The following GABBR2 variants were observed in gnomAD, a reference collection of about 807,000 sequenced individuals.
The protein encoded by GABBR2 is gamma-aminobutyric acid type B receptor subunit 2, also known as G-protein coupled receptor 51.
Under a neutral mutation model 105.6 loss-of-function variants are expected in GABBR2, and 23 were observed. The ratio of observed to expected loss-of-function variants is 0.22; its 90% CI spans 0.16 to 0.31. The LOEUF is 0.31. Ranked by LOEUF, GABBR2 falls within the 10% of genes least tolerant of loss-of-function variation. The pLI, the probability that GABBR2 is intolerant of heterozygous loss-of-function variation, is 1.00. For missense variants in GABBR2, 734 were observed against 1,245.5 expected, an observed-to-expected ratio of 0.59 and a Z score of 6.18; for synonymous variants, 478 against 499.7, an observed-to-expected ratio of 0.96 and a Z score of 0.58.
chr9:98,630,196 T>C (rs1238281790), intron 1 of GABBR2, among the ~76,000 whole-genome samples: 3 of 152,158 alleles, frequency 2.0e-5, no homozygotes, highest in African/African-American at 7.2e-5. Flanking sequence ...AAAGGATCAC[T>C]GGGTGAGAAG....
chr9:98,482,561 T>G (rs930111313), intron 4 of GABBR2, among the ~76,000 whole-genome samples: 7 of 152,198 alleles, frequency 4.6e-5, no homozygotes, highest in Non-Finnish European at 1.0e-4. Context: ...CCATCCATCC[T>G]TTCATCCAGC....
At chr9:98,654,617 A>T (rs769159416) in intron 1 of GABBR2, among the ~76,000 whole-genome samples, 1 of 152,228 alleles carries the variant, frequency 6.6e-6, no homozygotes, top group East Asian at 1.9e-4. Flanking sequence ...CGAGGCAGAC[A>T]TCCTTGAAGA....
At chr9:98,532,835 A>G (rs1828092774) in intron 3 of GABBR2, among the ~76,000 whole-genome samples, 1 of 152,156 alleles carries the variant, frequency 6.6e-6, no homozygotes, top group Admixed American at 6.5e-5. Flanking sequence ...TGAAGCATTA[A>G]CAACTCAGGA....
intron 2 of GABBR2, among the ~76,000 whole-genome samples, chr9:98,554,359 G>C (rs1281992025): frequency 1.3e-5 from 2 of 150,470 alleles, no homozygotes; most frequent in Non-Finnish European, 3.0e-5. Context: ...CCCTGTCAAA[G>C]AAAGAAAGAA....
chr9:98,595,429 G>T (rs77680548), intron 1 of GABBR2, among the ~76,000 whole-genome samples: 5,443 of 151,306 alleles, frequency 0.036, 130 homozygotes, highest in Non-Finnish European at 0.05. Context: ...GATGAAAGGG[G>T]CAGCAGAGAG....
intron 7 of GABBR2, among the ~76,000 whole-genome samples, chr9:98,451,977 T>C (rs1038024930): frequency 2.6e-5 from 4 of 152,138 alleles, no homozygotes; most frequent in African/African-American, 9.7e-5. Context: ...GTCACAGAAA[T>C]CCCTCTGGGC....
chr9:98,317,343 G>A (rs1237568243), intron 13 of GABBR2, among the ~76,000 whole-genome samples: 1 of 152,104 alleles, frequency 6.6e-6, no homozygotes, highest in East Asian at 1.9e-4. Context: ...GAGAGCAGCT[G>A]GCCCGAGAGT....
At chr9:98,695,049 T>C (rs768755573) in intron 1 of GABBR2, among the ~76,000 whole-genome samples, 5 of 152,204 alleles carry the variant, frequency 3.3e-5, no homozygotes, top group South Asian at 4.1e-4. Context: ...GAACAATCCA[T>C]TCCTCACAGA....
intron 2 of GABBR2, among the ~76,000 whole-genome samples, chr9:98,571,022 G>A (rs999818525): frequency 1.3e-5 from 2 of 152,220 alleles, no homozygotes; most frequent in African/African-American, 4.8e-5. Context: ...GAGGGGCAGG[G>A]TGAATGAGAC....
intron 6 of GABBR2, among the ~76,000 whole-genome samples, chr9:98,461,573 T>C (rs1360629816): frequency 6.6e-6 from 1 of 152,210 alleles, no homozygotes; most frequent in Non-Finnish European, 1.5e-5. Flanking sequence ...TAATTTCAAG[T>C]AAATTCTATG....
At chr9:98,539,804 T>C (rs1828254708) in intron 3 of GABBR2, among the ~76,000 whole-genome samples, 1 of 150,978 alleles carries the variant, frequency 6.6e-6, no homozygotes, top group Non-Finnish European at 1.5e-5. Flanking sequence ...TAGTCCCAGC[T>C]ACTCGGGAGG....
At chr9:98,327,593 G>A (rs985543618) in intron 13 of GABBR2, among the ~76,000 whole-genome samples, 1 of 152,006 alleles carries the variant, frequency 6.6e-6, no homozygotes, top group African/African-American at 2.4e-5. Flanking sequence ...ATAAGGCCGG[G>A]CGCAGTGGCT....
At chr9:98,299,120 G>A in intron 17 of GABBR2, 104 bp downstream of exon 17, 1 of 961,436 alleles carries the variant, frequency 1.0e-6, no homozygotes, top group Non-Finnish European at 1.7e-6. Context: ...TACCAGTCCT[G>A]TGCCCTGTCT....
chr9:98,307,460 A>T (rs1819228485), intron 14 of GABBR2, among the ~76,000 whole-genome samples: 1 of 151,928 alleles, frequency 6.6e-6, no homozygotes. Context: ...CTTCTCTCTC[A>T]CAAAGGCCCC....
At chr9:98,350,180 A>G (rs1221758585) in intron 13 of GABBR2, among the ~76,000 whole-genome samples, 2 of 149,102 alleles carry the variant, frequency 1.3e-5, no homozygotes, top group Non-Finnish European at 3.0e-5. Context: ...ATCTTCTCAA[A>G]AAAAAAAACC....
At chr9:98,559,237 C>G (rs1485803391) in intron 2 of GABBR2, among the ~76,000 whole-genome samples, 4 of 152,156 alleles carry the variant, frequency 2.6e-5, no homozygotes, top group Non-Finnish European at 5.9e-5. Context: ...TTAAGCAATC[C>G]TCCCACCTCA....
At chr9:98,556,682 G>T (rs1345171165) in intron 2 of GABBR2, among the ~76,000 whole-genome samples, 2 of 152,122 alleles carry the variant, frequency 1.3e-5, no homozygotes, top group Non-Finnish European at 2.9e-5. Context: ...AACCTGCTAG[G>T]CCTCAGTTTC....
intron 1 of GABBR2, among the ~76,000 whole-genome samples, chr9:98,676,008 C>T (rs1300655554): frequency 6.6e-6 from 1 of 152,164 alleles, no homozygotes; most frequent in African/African-American, 2.4e-5. Context: ...TGTCCTAATG[C>T]CAGAAACCTG....
intron 13 of GABBR2, among the ~76,000 whole-genome samples, chr9:98,358,041 C>A (rs1831518515): frequency 6.6e-6 from 1 of 152,214 alleles, no homozygotes; most frequent in Non-Finnish European, 1.5e-5. Context: ...ATGGCTGTGG[C>A]TCATTCATTC....
Sources: gnomAD v4.1 joint callset for allele counts (sites outside exome capture counted in the v4.1 genomes callset) on GRCh38, gnomAD v4.1.1 for gene constraint, MANE v1.5 for transcripts, NCBI Gene and HGNC (gene_info 2026-07-23, HGNC 2026-07-21) for gene names.